Variants in ZNF326 observed in about 807,000 individuals in gnomAD.
The protein encoded by ZNF326 is zinc finger protein 326, also known as DBIRD complex subunit ZNF326.
A neutral mutation model predicts 63.1 loss-of-function variants in ZNF326; 30 were observed. That is an observed-to-expected ratio of 0.48 (90% CI 0.36 to 0.64). The LOEUF (loss-of-function observed/expected upper bound fraction) is 0.64, where lower values mean the gene tolerates loss of function less well. ZNF326 is among the 30% of genes least tolerant of loss of function. ZNF326 has a pLI of 0.00. For synonymous variants in ZNF326, 194 were observed against 228.2 expected (o/e 0.85, Z 1.35); for missense variants, 609 against 720.3 (o/e 0.85, Z 1.77).
At position 90,017,224 on chromosome 1, in the gene ZNF326, T is replaced by C. The variant is rs948511726; in HGVS notation, c.927-93T>C. ...AAAGAGGAAGAAAGGAAATCATTTATGTTGGTAAAATTAGTTTCAATGTTA... is the reference window on the plus strand; with the variant it reads ...AAAGAGGAAGAAAGGAAATCATTTACGTTGGTAAAATTAGTTTCAATGTTA... On this transcript the variant is annotated intron_variant, in intron 7 of 11. Coordinates refer to ENST00000340281, the MANE Select transcript of ZNF326 (RefSeq NM_182976.4). The C allele has an allele frequency of 2.0e-5, 18 of 888,880 alleles. 1 individual carries two copies. The highest frequency in any genetic ancestry group is 1.9e-4 in the African/African-American group (11 of 56,964). The allele number at this position is 888,880 out of a possible 1,614,324, so 55.1% of individuals were successfully genotyped here. A position where few individuals can be genotyped will look rare whatever the true frequency, so the allele number is the denominator to read the frequency against.
Position 90,007,166 on chromosome 1 carries a change from A to G in ZNF326, c.210-179A>G, listed in dbSNP as rs1345347452. Among the ~76,000 whole-genome samples the G allele has an allele frequency of 1.3e-5, 2 of 152,216 alleles. No individual in the cohort carries two copies. Among genetic ancestry groups the G allele is most frequent in the South Asian group, 2.1e-4 (1 of 4,830 alleles). ...TATAATCTGACTCAGATAGCTTTCT[A>G]TCTGGTCTCACGTTGAACTGCCCAG... is the stretch of plus-strand genomic sequence containing the variant. On this transcript the variant is annotated intron_variant, in intron 4 of 11. Coordinates refer to ENST00000340281, the MANE Select transcript of ZNF326 (RefSeq NM_182976.4). This position sits in a 1 kb window ranked among gnomAD's most constrained non-coding sequence, Gnocchi z 4.9.
intron 2 of ZNF326, among the ~76,000 whole-genome samples, chr1:90,001,091 C>A (rs1162851328): frequency 6.6e-6 from 1 of 152,056 alleles, no homozygotes; most frequent in Admixed American, 6.5e-5. Context: ...GGGGGATGTC[C>A]TGTGCATTGT....
chr1:90,010,327 T>C (rs1446844928), intron 6 of ZNF326, 41 bp downstream of exon 6: 2 of 1,578,888 alleles, frequency 1.3e-6, no homozygotes, highest in East Asian at 2.2e-5. Context: ...AGGATACTTT[T>C]TATTTTTTAA....
At chr1:90,006,253 T>C in intron 4 of ZNF326, 1 of 983,742 alleles carries the variant, frequency 1.0e-6, no homozygotes, top group Non-Finnish European at 1.2e-6. Context: ...TTTATATGGT[T>C]ACTAGGATTC....
chr1:90,009,251 C>G (rs1649128855), intron 5 of ZNF326, among the ~76,000 whole-genome samples: 1 of 152,126 alleles, frequency 6.6e-6, no homozygotes, highest in Non-Finnish European at 1.5e-5. Flanking sequence ...TTTAAATCTT[C>G]ACTTGTACAA....
intron 2 of ZNF326, among the ~76,000 whole-genome samples, chr1:90,000,128 G>A (rs1271377571): frequency 6.6e-6 from 1 of 152,158 alleles, no homozygotes; most frequent in Non-Finnish European, 1.5e-5. Flanking sequence ...TGACATTTGA[G>A]CATAGATTTA....
chr1:90,026,452 G>A (rs897799875), intron 11 of ZNF326, among the ~76,000 whole-genome samples: 3 of 152,070 alleles, frequency 2.0e-5, no homozygotes, highest in Non-Finnish European at 4.4e-5. Flanking sequence ...TCTCTTTTGA[G>A]TTGCAAATTT....
chr1:90,006,547 T>A, intron 4 of ZNF326: 1 of 867,062 alleles, frequency 1.2e-6, no homozygotes, highest in Non-Finnish European at 1.4e-6. Flanking sequence ...CTCCCTTTTT[T>A]AGGGTAGTTT....
chr1:89,999,863 T>C (rs1329527314), intron 2 of ZNF326, among the ~76,000 whole-genome samples: 1 of 152,228 alleles, frequency 6.6e-6, no homozygotes, highest in Non-Finnish European at 1.5e-5. Flanking sequence ...GAGGTGGGAA[T>C]ATAGCAGTGA....
chr1:89,998,226 C>A, intron 2 of ZNF326, 72 bp downstream of exon 2: 1 of 1,438,854 alleles, frequency 6.9e-7, no homozygotes. Flanking sequence ...GCCAGTTCTA[C>A]CTATTTCAGT....
intron 6 of ZNF326, among the ~76,000 whole-genome samples, chr1:90,010,869 G>T (rs767194161): frequency 1.3e-5 from 2 of 152,002 alleles, no homozygotes; most frequent in Non-Finnish European, 2.9e-5. Flanking sequence ...TTCTCATCAG[G>T]CCTTATTGTT....
chr1:89,999,875 C>T (rs1648583115), intron 2 of ZNF326, among the ~76,000 whole-genome samples: 1 of 152,116 alleles, frequency 6.6e-6, no homozygotes, highest in African/African-American at 2.4e-5. Flanking sequence ...TAGCAGTGAA[C>T]AAAATGGACA....
At chr1:89,998,218 C>T in intron 2 of ZNF326, 64 bp downstream of exon 2, 1 of 1,499,902 alleles carries the variant, frequency 6.7e-7, no homozygotes, top group Non-Finnish European at 9.2e-7. Flanking sequence ...TGTAAAAGGC[C>T]AGTTCTACCT....
rs369269171 is a variant in ZNF326, at chr1:90,002,271, A to G, written c.62-2732A>G. On this transcript the variant is annotated intron_variant, in intron 2 of 11. Transcript: ENST00000340281. ...TAAAAGTAGCTTTATTAATTTTTGT[A>G]CATTTCACAGTGCCTAACACATACA... is the stretch of plus-strand genomic sequence containing the variant. Among the ~76,000 whole-genome samples, 10 of 152,330 alleles carry G rather than the reference A, an allele frequency of 6.6e-5. No individual in the cohort carries two copies. The East Asian group carries it at 1.2e-3, about 18-fold the overall frequency.
chr1:90,011,001 CA>C (rs901560959), intron 6 of ZNF326, among the ~76,000 whole-genome samples: 2 of 152,070 alleles, frequency 1.3e-5, no homozygotes, highest in African/African-American at 4.8e-5. Flanking sequence ...TCAAATTTGA[CA>C]TTTTATTAGA....
At position 90,007,989 on chromosome 1, in the gene ZNF326, G is replaced by T. The variant is rs921341827; in HGVS notation, c.615+239G>T. 1.3e-5 allele frequency among the ~76,000 whole-genome samples: 2 copies of T among 152,184 alleles called. No individual in the cohort carries two copies. Among genetic ancestry groups the T allele is most frequent in the African/African-American group, 4.8e-5 (2 of 41,438 alleles). ...AATCTCCCTTTATTAAAAAGGTGAG[G>T]CTACTGGTTTGGTCTAAAAGGGGTT... On this transcript the variant is annotated intron_variant, in intron 5 of 11. Transcript: ENST00000340281. This position sits in a 1 kb window ranked among gnomAD's most constrained non-coding sequence, Gnocchi z 4.9.
intron 1 of ZNF326, 113 bp downstream of exon 1, chr1:89,995,386 A>AGGCCGCCCGCCCGCCCCGGGCCCAGC (rs1214090242): frequency 7.4e-7 from 1 of 1,348,504 alleles, no homozygotes; most frequent in African/African-American, 1.5e-5. Context: ...GCGGGCCCGG[A>AGGCCGCCCGCCCGCCCCGGGCCCAGC]GGCCGCCCGC....
intron 1 of ZNF326, 21 bp downstream of exon 1, chr1:89,995,294 G>A (rs757305293): frequency 3.0e-5 from 46 of 1,546,244 alleles, no homozygotes; most frequent in Non-Finnish European, 3.7e-5. Context: ...CCTCTGGCTG[G>A]TCGGCGCAGC....
chr1:90,028,223 A>G lies in ZNF326; in HGVS notation c.*522A>G, dbSNP rs763602548. ...TTGTAGCAATAAAATGTTTTTTACGAAAACTTTCTCCCTGGATTAGCAGTT... is the reference window on the plus strand; with the variant it reads ...TTGTAGCAATAAAATGTTTTTTACGGAAACTTTCTCCCTGGATTAGCAGTT... On this transcript the variant is annotated 3_prime_UTR_variant, in exon 12 of 12. Coordinates refer to ENST00000340281, the MANE Select transcript of ZNF326 (RefSeq NM_182976.4). 1.3e-5 allele frequency: 2 copies of G among 153,650 alleles called. No individual in the cohort carries two copies. Among genetic ancestry groups the G allele is most frequent in the African/African-American group, 4.8e-5 (2 of 41,464 alleles). 9.5% of individuals were successfully genotyped at this position (153,650 alleles called of 1,614,324 possible). A position where few individuals can be genotyped will look rare whatever the true frequency, so the allele number is the denominator to read the frequency against.
Sources: gnomAD v4.1 joint callset for allele counts (sites outside exome capture counted in the v4.1 genomes callset) on GRCh38, gnomAD v4.1.1 for gene constraint, Gnocchi (gnomAD v3.1) non-coding constraint, MANE v1.5 for transcripts, NCBI Gene and HGNC (gene_info 2026-07-23, HGNC 2026-07-21) for gene names.